Variants in RIMBP2 observed in about 807,000 individuals in gnomAD.
RIMBP2 encodes the protein RIMS-binding protein 2.
In RIMBP2, 48 loss-of-function variants were observed where a neutral mutation model predicts 118.6. That is an observed-to-expected ratio of 0.40 (90% CI 0.32 to 0.51). The LOEUF (loss-of-function observed/expected upper bound fraction) is 0.51, where lower values mean the gene tolerates loss of function less well. Ranked by LOEUF, RIMBP2 falls within the 20% of genes least tolerant of loss-of-function variation. RIMBP2 has a pLI of 0.41. For synonymous variants in RIMBP2, 762 were observed against 742.9 expected, an observed-to-expected ratio of 1.03 and a Z score of -0.42; for missense variants, 1,551 against 1,768.3, an observed-to-expected ratio of 0.88 and a Z score of 2.20.
At chr12:130,713,567 A>C (rs1406831715) in intron 1 of RIMBP2, among the ~76,000 whole-genome samples, 1 of 152,236 alleles carries the variant, frequency 6.6e-6, no homozygotes, top group African/African-American at 2.4e-5. Flanking sequence ...GTTTTCTGGA[A>C]TCAGCAGCTC....
intron 2 of RIMBP2, among the ~76,000 whole-genome samples, chr12:130,610,173 C>T (rs1279715687): frequency 6.6e-6 from 1 of 151,668 alleles, no homozygotes; most frequent in Admixed American, 6.6e-5. Flanking sequence ...CCCGGTCCCT[C>T]CCGTTCTGGG....
intron 19 of RIMBP2, among the ~76,000 whole-genome samples, chr12:130,408,459 T>C (rs2075389072): frequency 1.3e-5 from 2 of 152,180 alleles, no homozygotes; most frequent in African/African-American, 4.8e-5. Flanking sequence ...ACAGTCGACT[T>C]AGAGGTGCAT....
intron 3 of RIMBP2, among the ~76,000 whole-genome samples, chr12:130,512,986 A>G (rs1378496517): frequency 2.6e-5 from 4 of 152,198 alleles, no homozygotes; most frequent in Admixed American, 1.3e-4. Flanking sequence ...TTTTTTTACT[A>G]GGAAAAAAAA....
intron 1 of RIMBP2, among the ~76,000 whole-genome samples, chr12:130,646,742 C>A (rs531936658): frequency 6.6e-6 from 1 of 152,238 alleles, no homozygotes; most frequent in Non-Finnish European, 1.5e-5. Flanking sequence ...TCCTACAGGG[C>A]AAGAGAAAGC....
At chr12:130,472,653 T>G (rs1174776749) in intron 5 of RIMBP2, among the ~76,000 whole-genome samples, 1 of 152,176 alleles carries the variant, frequency 6.6e-6, no homozygotes. Flanking sequence ...AAGTGAACAT[T>G]ATCTTAACAG....
In RIMBP2 at chr12:130,470,728, T is replaced by C; in HGVS notation, c.118A>G (p.Lys40Glu). Residue 40 changes from lysine to glutamate, a missense_variant, in exon 6 of 23, where the codon AAG (lysine) becomes GAG (glutamate). Coordinates refer to ENST00000690449, the MANE Select transcript of RIMBP2 (RefSeq NM_001393629.1). ...DLLQKAQVEA[K>E]KEHEGAVRLL... ...CGCACTGCGCCTTCATGCTCCTTCT[T>C]AGCCTCAACCTGAGCCTTTTTTATG... is the stretch of plus-strand genomic sequence containing the variant. 8.1e-7 allele frequency: 1 copy of C among 1,232,000 alleles called. No individual in the cohort carries two copies. The allele number at this position is 1,232,000 out of a possible 1,614,324, so 76.3% of individuals were successfully genotyped here.
intron 2 of RIMBP2, among the ~76,000 whole-genome samples, chr12:130,550,606 GT>G (rs1391782602): frequency 1.3e-5 from 2 of 152,198 alleles, no homozygotes; most frequent in African/African-American, 2.4e-5. Flanking sequence ...CAATGTTTAT[GT>G]GAGTCTAAAC....
At chr12:130,543,365 G>T (rs1370782239) in intron 2 of RIMBP2, among the ~76,000 whole-genome samples, 1 of 152,062 alleles carries the variant, frequency 6.6e-6, no homozygotes, top group Non-Finnish European at 1.5e-5. Context: ...CTCATGTTCT[G>T]GGAAAAACAC....
rs866186725 is a variant in RIMBP2 at position 130,663,862 on chromosome 12, C to T, written c.-351-35406G>A. Among the ~76,000 whole-genome samples the T allele has an allele frequency of 7.9e-5, 12 of 151,614 alleles. 1 individual carries two copies. The highest frequency in any genetic ancestry group is 2.4e-4 in the African/African-American group (10 of 40,936). On this transcript the variant is annotated intron_variant, in intron 1 of 22. Coordinates refer to ENST00000690449, the MANE Select transcript of RIMBP2 (RefSeq NM_001393629.1). Reference sequence around the variant, plus strand: ...TACATATGCACAGGTTATTCCATACCGGTTTGTTAATAATTGTGAAATACC... The same window carrying T: ...TACATATGCACAGGTTATTCCATACTGGTTTGTTAATAATTGTGAAATACC...
chr12:130,683,864 C>T lies in RIMBP2; in HGVS notation c.-352+32358G>A, dbSNP rs1432708899. On this transcript the variant is annotated intron_variant, in intron 1 of 22. Coordinates refer to ENST00000690449, the MANE Select transcript of RIMBP2 (RefSeq NM_001393629.1). The surrounding 1 kb of genome is among the most constrained non-coding windows in gnomAD (Gnocchi z 4.4). The stretch of plus-strand genomic sequence containing the variant: ...ATAAAAATAGGCAACCAGCAGCCCT[C>T]GGGGTTGTCCTGCCTATGGAATAGC... Among the ~76,000 whole-genome samples the T allele has an allele frequency of 1.3e-5, 2 of 152,166 alleles. No individual in the cohort carries two copies. The highest frequency in any genetic ancestry group is 2.9e-5 in the Non-Finnish European group (2 of 68,034).
intron 7 of RIMBP2, among the ~76,000 whole-genome samples, chr12:130,452,599 C>G (rs987633521): frequency 1.3e-5 from 2 of 152,268 alleles, no homozygotes; most frequent in African/African-American, 4.8e-5. Flanking sequence ...TGCCTCTTCT[C>G]TGCTCCCAGC....
At chr12:130,481,873 G>A (rs1445026367) in intron 4 of RIMBP2, among the ~76,000 whole-genome samples, 1 of 152,118 alleles carries the variant, frequency 6.6e-6, no homozygotes, top group Non-Finnish European at 1.5e-5. Flanking sequence ...GCCCATTTGG[G>A]CCTCGCCATT....
rs193069580 is a variant in RIMBP2 at position 130,570,753 on chromosome 12, A to G, written c.-216-52836T>C. Among the ~76,000 whole-genome samples the G allele has an allele frequency of 5.0e-3, 769 of 152,356 alleles. 5 individuals are homozygous for G. Among genetic ancestry groups the G allele is most frequent in the South Asian group, 0.024 (115 of 4,830 alleles). On this transcript the variant is annotated intron_variant, in intron 2 of 22. Transcript: ENST00000690449. ...TATAGGACTCTGACCCAATGAGAAC[A>G]GTGTTAAGCGCAACATCAGTTCCTT...
intron 3 of RIMBP2, among the ~76,000 whole-genome samples, chr12:130,512,488 A>C (rs947647977): frequency 3.9e-5 from 6 of 152,122 alleles, no homozygotes; most frequent in African/African-American, 1.2e-4. Context: ...ATGCCCAGCC[A>C]ATTTTTGTAT....
chr12:130,453,626 C>T (rs571339288), intron 7 of RIMBP2, among the ~76,000 whole-genome samples: 1 of 152,352 alleles, frequency 6.6e-6, no homozygotes, highest in Admixed American at 6.5e-5. Context: ...CGTGGGAAAC[C>T]TCAACAAGGC....
intron 2 of RIMBP2, among the ~76,000 whole-genome samples, chr12:130,550,600 G>A (rs1212430824): frequency 6.6e-6 from 1 of 152,152 alleles, no homozygotes; most frequent in Non-Finnish European, 1.5e-5. Context: ...TTTTTGCAAT[G>A]TTTATGTGAG....
intron 1 of RIMBP2, among the ~76,000 whole-genome samples, chr12:130,646,615 A>C (rs545521329): frequency 2.3e-4 from 35 of 152,360 alleles, no homozygotes; most frequent in Non-Finnish European, 4.7e-4. Flanking sequence ...AAGAATGACA[A>C]CCAATCTTAG....
intron 3 of RIMBP2, among the ~76,000 whole-genome samples, chr12:130,508,879 G>A (rs577567424): frequency 6.6e-6 from 1 of 152,276 alleles, no homozygotes; most frequent in African/African-American, 2.4e-5. Flanking sequence ...GCTCCTGGGT[G>A]GACTATTGCT....
intron 5 of RIMBP2, chr12:130,472,282 C>T (rs1220815027): frequency 6.6e-6 from 1 of 152,240 alleles, no homozygotes; most frequent in African/African-American, 2.4e-5. Flanking sequence ...TCATCGTCAA[C>T]TGTGAAAGCA....
Sources: allele counts gnomAD v4.1 joint callset (sites outside exome capture counted in the v4.1 genomes callset), GRCh38; gene constraint gnomAD v4.1.1; non-coding constraint Gnocchi (gnomAD v3.1); transcripts MANE v1.5; gene names NCBI Gene and HGNC (gene_info 2026-07-23, HGNC 2026-07-21).